Variants in BZW2 observed in about 807,000 individuals in gnomAD.
BZW2 encodes basic leucine zipper and W2 domains 2, also known as eIF5-mimic protein 1.
A neutral mutation model predicts 53.2 loss-of-function variants in BZW2; 23 were observed. That is an observed-to-expected ratio of 0.43 (90% confidence interval 0.31 to 0.61). The LOEUF is 0.61. Ranked by LOEUF, BZW2 falls within the 20% of genes least tolerant of loss-of-function variation. The pLI is 0.09. For missense variants in BZW2, 409 were observed against 503.1 expected, an observed-to-expected ratio of 0.81 and a Z score of 1.79; for synonymous variants, 227 against 186.4, an observed-to-expected ratio of 1.22 and a Z score of -1.77.
intron 3 of BZW2, among the ~76,000 whole-genome samples, chr7:16,676,930 C>T (rs1460733298): frequency 1.3e-5 from 2 of 152,124 alleles, no homozygotes; most frequent in East Asian, 1.9e-4. Context: ...CCACTTCTTA[C>T]ATTACTCCTG....
At chr7:16,659,858 T>A (rs34143663) in intron 1 of BZW2, among the ~76,000 whole-genome samples, 31,677 of 151,830 alleles carry the variant, frequency 0.21, 3,326 homozygotes, top group South Asian at 0.29. Context: ...TTTTATTTTT[T>A]TTTTTATTAT....
chr7:16,660,274 G>GC (rs1275403269), intron 1 of BZW2, among the ~76,000 whole-genome samples: 4 of 151,784 alleles, frequency 2.6e-5, no homozygotes, highest in Non-Finnish European at 4.4e-5. Context: ...AATTAGCCGG[G>GC]CCTGGTAGTG....
chr7:16,682,778 A>G lies in BZW2; in HGVS notation c.340-2A>G. ...AATATTTAATGGTTGTTTTTTTTTT[A>G]GGTCTTCAATAAACTCATCAGGAGA... On this transcript the variant is annotated splice_acceptor_variant, in intron 4 of 11. Coordinates refer to ENST00000258761, the MANE Select transcript of BZW2 (RefSeq NM_014038.3). LOFTEE classifies it high-confidence loss of function. 2 of 1,507,194 alleles carry G rather than the reference A, an allele frequency of 1.3e-6. No individual in the cohort carries two copies. Among genetic ancestry groups the G allele is most frequent in the Admixed American group, 2.1e-5 (1 of 47,530 alleles). 93.4% of individuals were successfully genotyped at this position (1,507,194 alleles called of 1,614,324 possible). A position where few individuals can be genotyped will look rare whatever the true frequency, so the allele number is the denominator to read the frequency against.
chr7:16,648,060 A>T (rs1781911939), intron 1 of BZW2, among the ~76,000 whole-genome samples: 1 of 152,222 alleles, frequency 6.6e-6, no homozygotes, highest in Non-Finnish European at 1.5e-5. Context: ...TCTAACATCT[A>T]CCTAGAAATG....
At chr7:16,687,778 C>A (rs537140127) in intron 6 of BZW2, among the ~76,000 whole-genome samples, 142 of 152,154 alleles carry the variant, frequency 9.3e-4, no homozygotes, top group African/African-American at 3.3e-3. Flanking sequence ...CCCAGCTCAT[C>A]CAATAAATGA....
At chr7:16,670,985 T>G (rs546698020) in intron 2 of BZW2, among the ~76,000 whole-genome samples, 1 of 152,346 alleles carries the variant, frequency 6.6e-6, no homozygotes, top group Non-Finnish European at 1.5e-5. Flanking sequence ...GTTAACCACT[T>G]ACAACCCAGC....
rs148112539 is a variant in BZW2 at position 16,691,553 on chromosome 7, G to A, written c.651+1647G>A. 9.3e-3 allele frequency among the ~76,000 whole-genome samples: 1,421 copies of A among 152,302 alleles called. 10 individuals are homozygous for A. Among genetic ancestry groups the A allele is most frequent in the Non-Finnish European group, 0.014 (968 of 68,026 alleles). On this transcript the variant is annotated intron_variant, in intron 7 of 11. Transcript: ENST00000258761. ...GGCAAAGTACCAGAACACAGAGACT[G>A]AACTGAACGTCTCAAGTACCTTAAA...
chr7:16,694,619 A>G (rs979071002), intron 7 of BZW2, among the ~76,000 whole-genome samples: 1 of 152,092 alleles, frequency 6.6e-6, no homozygotes, highest in Non-Finnish European at 1.5e-5. Context: ...GTTTATCTCA[A>G]TTGCTTACCC....
At chr7:16,662,335 G>A (rs1012884152) in intron 1 of BZW2, 49 of 152,128 alleles carry the variant, frequency 3.2e-4, no homozygotes, top group African/African-American at 1.2e-3. Context: ...ATGTTATCAT[G>A]TGTTTCTCCA....
intron 1 of BZW2, among the ~76,000 whole-genome samples, chr7:16,651,774 T>TC (rs963340668): frequency 1.9e-4 from 29 of 152,040 alleles, no homozygotes; most frequent in African/African-American, 6.5e-4. Flanking sequence ...AAATGCCTTT[T>TC]CCCCCCCACC....
rs1284150330 is a variant in BZW2, at chr7:16,678,728, C to T, written c.236-2573C>T. Among the ~76,000 whole-genome samples, 3 of 152,042 alleles carry T rather than the reference C, an allele frequency of 2.0e-5. No individual in the cohort carries two copies. In the East Asian group the frequency reaches 5.8e-4, roughly 29 times the overall value. On this transcript the variant is annotated intron_variant, in intron 3 of 11. Coordinates refer to ENST00000258761, the MANE Select transcript of BZW2 (RefSeq NM_014038.3). ...TCAGGGGAACCAGCCCCCAATATTT[C>T]AACGTGGGTTCTTTTCTGTTTTCCC... is the stretch of plus-strand genomic sequence containing the variant.
At chr7:16,679,392 G>T (rs1273396680) in intron 3 of BZW2, among the ~76,000 whole-genome samples, 2 of 152,212 alleles carry the variant, frequency 1.3e-5, no homozygotes, top group African/African-American at 2.4e-5. Context: ...TCCCGCAACA[G>T]TTCCAGGTGG....
At chr7:16,682,120 A>G (rs1448389714) in intron 4 of BZW2, among the ~76,000 whole-genome samples, 1 of 152,232 alleles carries the variant, frequency 6.6e-6, no homozygotes, top group Non-Finnish European at 1.5e-5. Context: ...GAATACACCA[A>G]GAGTTGTAAG....
chr7:16,679,523 T>C (rs706033), intron 3 of BZW2, among the ~76,000 whole-genome samples: 39,920 of 152,158 alleles, frequency 0.26, 5,691 homozygotes, highest in East Asian at 0.38. Flanking sequence ...TGCTGAAGTC[T>C]GAAGCCCATA....
chr7:16,690,830 C>T (rs1241360121), intron 7 of BZW2, among the ~76,000 whole-genome samples: 1 of 152,118 alleles, frequency 6.6e-6, no homozygotes, highest in Non-Finnish European at 1.5e-5. Context: ...TTTCTTTCTT[C>T]TTGATGCAGC....
At chr7:16,683,899 A>C (rs528913149) in intron 5 of BZW2, among the ~76,000 whole-genome samples, 1 of 152,164 alleles carries the variant, frequency 6.6e-6, no homozygotes, top group Non-Finnish European at 1.5e-5. Context: ...ACCCAGTTCA[A>C]AGTGGTTCTG....
At chr7:16,655,739 T>C (rs1782105530) in intron 1 of BZW2, among the ~76,000 whole-genome samples, 1 of 152,118 alleles carries the variant, frequency 6.6e-6, no homozygotes, top group Non-Finnish European at 1.5e-5. Context: ...ACCAACTTTT[T>C]TAGATTCTAC....
chr7:16,665,769 T>A (rs1362858865), intron 2 of BZW2, among the ~76,000 whole-genome samples: 2 of 152,218 alleles, frequency 1.3e-5, no homozygotes, highest in Non-Finnish European at 2.9e-5. Context: ...ATGAAGGCAA[T>A]TGATAAATTT....
chr7:16,685,976 G>T lies in BZW2; in HGVS notation c.477G>T (p.Leu159=). ...TGGCGATGCTGTCGGGGATTCTGCT[G>T]GGCAATGGCACCCTGCCCGCCACCA... The part of the protein sequence containing the change: ...TKLAMLSGIL[L]GNGTLPATIL... Residue 159 remains leucine, a synonymous_variant, in exon 6 of 12, where the codon CTG becomes CTT. Coordinates refer to ENST00000258761, the MANE Select transcript of BZW2 (RefSeq NM_014038.3). The T allele has an allele frequency of 6.3e-7, 1 of 1,592,112 alleles. No individual in the cohort carries two copies. The highest frequency in any genetic ancestry group is 1.1e-5 in the South Asian group (1 of 87,612).
Sources: gnomAD v4.1 joint callset for allele counts (sites outside exome capture counted in the v4.1 genomes callset) on GRCh38, gnomAD v4.1.1 for gene constraint, MANE v1.5 for transcripts, NCBI Gene and HGNC (gene_info 2026-07-23, HGNC 2026-07-21) for gene names.